The following RASGRP3 variants were observed in gnomAD, a reference collection of about 807,000 sequenced individuals.
RASGRP3 encodes the protein ras guanyl-releasing protein 3.
A neutral mutation model predicts 82.7 loss-of-function variants in RASGRP3; 54 were observed. The ratio of observed to expected loss-of-function variants is 0.65; its 90% CI spans 0.52 to 0.82. The LOEUF (loss-of-function observed/expected upper bound fraction) is 0.82. Among genes scored for constraint, RASGRP3 ranks in the 40% least tolerant of loss-of-function variants. RASGRP3 has a pLI of 0.00. For synonymous variants in RASGRP3, 309 were observed against 300.5 expected (o/e 1.03, Z -0.29); for missense variants, 861 against 828.9 (o/e 1.04, Z -0.48).
chr2:33,466,662 A>G (rs1016872354), intron 2 of RASGRP3, among the ~76,000 whole-genome samples: 1 of 150,474 alleles, frequency 6.6e-6, no homozygotes, highest in Non-Finnish European at 1.5e-5. Context: ...GTGGGCAACA[A>G]GAGGGAAACT....
intron 2 of RASGRP3, among the ~76,000 whole-genome samples, chr2:33,450,818 CTTTCTTTTTTTTTTTTTTTTTTTTTTTTT>C (rs1387952817): frequency 2.3e-5 from 1 of 43,420 alleles, no homozygotes; most frequent in Non-Finnish European, 4.6e-5. Context: ...CTCTTTCTTT[CTTTCTTTTTTTTTTTTTTTTTTTTTTTTT>C]TTTTTTTTGA....
intron 11 of RASGRP3, among the ~76,000 whole-genome samples, chr2:33,537,565 T>C (rs926418600): frequency 7.2e-5 from 11 of 152,046 alleles, no homozygotes; most frequent in Non-Finnish European, 1.3e-4. Context: ...TTCACCATGT[T>C]GGCCAGGCTG....
intron 1 of RASGRP3, among the ~76,000 whole-genome samples, chr2:33,446,367 C>T (rs1473986980): frequency 1.3e-5 from 2 of 152,100 alleles, no homozygotes; most frequent in East Asian, 1.9e-4. Flanking sequence ...CCATGTTAGC[C>T]AGGATGGTCT....
intron 10 of RASGRP3, chr2:33,534,039 A>G: frequency 2.7e-6 from 1 of 375,302 alleles, no homozygotes; most frequent in Non-Finnish European, 4.8e-6. Flanking sequence ...GAAACATCAC[A>G]TATCCCTCAT....
chr2:33,505,775 T>A (rs1670313394), intron 1 of RASGRP3, among the ~76,000 whole-genome samples: 1 of 152,224 alleles, frequency 6.6e-6, no homozygotes, highest in Non-Finnish European at 1.5e-5. Context: ...TAGGTCATAA[T>A]CCTTCAATGT....
intron 1 of RASGRP3, among the ~76,000 whole-genome samples, chr2:33,487,529 C>G (rs1668499792): frequency 6.6e-6 from 1 of 152,090 alleles, no homozygotes; most frequent in Admixed American, 6.6e-5. Context: ...TGCCATTAAC[C>G]TATATAGGGA....
chr2:33,503,874 T>C (rs1670109502), intron 1 of RASGRP3, among the ~76,000 whole-genome samples: 1 of 152,180 alleles, frequency 6.6e-6, no homozygotes, highest in Non-Finnish European at 1.5e-5. Context: ...AGCTTATCAC[T>C]GTCAATAGTG....
chr2:33,499,128 AT>A (rs1669612888), intron 1 of RASGRP3, among the ~76,000 whole-genome samples: 1 of 151,954 alleles, frequency 6.6e-6, no homozygotes, highest in Admixed American at 6.6e-5. Context: ...ACCCCCTCCC[AT>A]TTCTGACCTC....
chr2:33,458,538 G>A (rs1230726192), intron 2 of RASGRP3, among the ~76,000 whole-genome samples: 2 of 152,164 alleles, frequency 1.3e-5, no homozygotes, highest in African/African-American at 4.8e-5. Flanking sequence ...CAGAAGAGGT[G>A]GGTATAGGTA....
chr2:33,450,576 T>C (rs1665729791), intron 2 of RASGRP3, among the ~76,000 whole-genome samples: 1 of 152,100 alleles, frequency 6.6e-6, no homozygotes, highest in Non-Finnish European at 1.5e-5. Flanking sequence ...TAAGGCTAAA[T>C]AGCACTCCAT....
intron 1 of RASGRP3, among the ~76,000 whole-genome samples, chr2:33,484,965 G>A (rs1221368081): frequency 6.6e-6 from 1 of 152,186 alleles, no homozygotes; most frequent in Non-Finnish European, 1.5e-5. Flanking sequence ...TTGGGAGGCT[G>A]AGGCAGGTGG....
intron 1 of RASGRP3, among the ~76,000 whole-genome samples, chr2:33,443,077 T>C (rs1665313777): frequency 6.6e-6 from 1 of 152,206 alleles, no homozygotes; most frequent in African/African-American, 2.4e-5. Flanking sequence ...CACAGCGATA[T>C]TGCTGTGACT....
At chr2:33,439,866 T>C (rs1460072766) in intron 1 of RASGRP3, among the ~76,000 whole-genome samples, 3 of 152,108 alleles carry the variant, frequency 2.0e-5, no homozygotes, top group African/African-American at 4.8e-5. Flanking sequence ...GTGCATAAGA[T>C]CTGCCGGTTG....
At position 33,549,739 on chromosome 2, in the gene RASGRP3, C is replaced by G. The variant is rs553822665; in HGVS notation, c.1530C>G (p.His510Gln). ...MTYLKPTFCE[H>Q]CAGFLWGIIK... is the part of the protein sequence containing the mutation. ...ATCTCAAGCCAACCTTCTGCGAACA[C>G]TGTGCGGGATTTGTAAGTCTGTTTT... The change falls in exon 14 of 18, where the codon CAC becomes CAG. Residue 510 changes from histidine to glutamine, a missense_variant. Coordinates refer to ENST00000403687, the MANE Select transcript of RASGRP3 (RefSeq NM_001139488.2). 4.3e-6 allele frequency: 7 copies of G among 1,613,584 alleles called. No individual in the cohort carries two copies. Among genetic ancestry groups the G allele is most frequent in the Non-Finnish European group, 5.9e-6 (7 of 1,179,814 alleles).
intron 1 of RASGRP3, among the ~76,000 whole-genome samples, chr2:33,497,011 C>T (rs1255256312): frequency 6.6e-6 from 1 of 152,148 alleles, no homozygotes. Flanking sequence ...TTTTCCTACT[C>T]ATTGATTAAT....
intron 1 of RASGRP3, among the ~76,000 whole-genome samples, chr2:33,498,129 A>G (rs1015366411): frequency 2.0e-5 from 3 of 152,194 alleles, no homozygotes; most frequent in Non-Finnish European, 2.9e-5. Context: ...TGCATCCCTC[A>G]GTAGAGGGCA....
chr2:33,447,927 C>T (rs1043107573), exon 2 of RASGRP3: 4 of 152,230 alleles, frequency 2.6e-5, no homozygotes, highest in African/African-American at 9.6e-5. Context: ...TCTCTGATTT[C>T]ACTGCCAAGA....
intron 2 of RASGRP3, among the ~76,000 whole-genome samples, chr2:33,512,999 G>C (rs987979056): frequency 1.3e-5 from 2 of 152,314 alleles, no homozygotes; most frequent in Admixed American, 6.5e-5. Context: ...AGGTGGGTGA[G>C]AGCTGAGAGG....
intron 12 of RASGRP3, among the ~76,000 whole-genome samples, chr2:33,540,554 TTTTGTGTGTGTGTGTGTGTGTGTG>T (rs1674167892): frequency 3.8e-5 from 1 of 26,132 alleles, no homozygotes; most frequent in Non-Finnish European, 1.3e-4. Flanking sequence ...TGTGTGTGTG[TTTTGTGTGTGTGTGTGTGTGTGTG>T]TGTGTGTGTG....
Sources: allele counts gnomAD v4.1 joint callset (sites outside exome capture counted in the v4.1 genomes callset), GRCh38; gene constraint gnomAD v4.1.1; transcripts MANE v1.5; gene names NCBI Gene and HGNC (gene_info 2026-07-23, HGNC 2026-07-21).